LARGE1: variants seen among roughly 807,000 people sequenced by gnomAD.
LARGE1 encodes the protein LARGE xylosyl- and glucuronyltransferase 1.
Under a neutral mutation model 87.6 loss-of-function variants are expected in LARGE1, and 43 were observed. That is an observed-to-expected ratio of 0.49 (90% CI 0.38 to 0.63). The LOEUF is 0.63. LARGE1 is among the 30% of genes least tolerant of loss of function. The pLI, the probability that LARGE1 is intolerant of heterozygous loss-of-function variation, is 0.00. For synonymous variants in LARGE1, 434 were observed against 394.6 expected, an observed-to-expected ratio of 1.10 and a Z score of -1.18; for missense variants, 802 against 1,000.2, an observed-to-expected ratio of 0.80 and a Z score of 2.67.
intron 1 of LARGE1, among the ~76,000 whole-genome samples, chr22:33,823,559 C>A (rs916534322): frequency 2.6e-5 from 4 of 152,186 alleles, no homozygotes; most frequent in Non-Finnish European, 5.9e-5. Flanking sequence ...CAGAACACAG[C>A]CTCACGCACC....
At chr22:33,758,289 A>G (rs2084595682) in intron 2 of LARGE1, among the ~76,000 whole-genome samples, 1 of 152,164 alleles carries the variant, frequency 6.6e-6, no homozygotes, top group Non-Finnish European at 1.5e-5. Flanking sequence ...TTACATAACC[A>G]GATTTGAACG....
chr22:33,306,173 A>T (rs935000658), intron 11 of LARGE1, among the ~76,000 whole-genome samples: 1 of 152,166 alleles, frequency 6.6e-6, no homozygotes, highest in South Asian at 2.1e-4. Context: ...AAAGGCATGC[A>T]TTCTCCATGA....
At chr22:33,106,958 A>G in the LARGE1 span, among the ~76,000 whole-genome samples, 1 of 152,210 alleles carries the variant, frequency 6.6e-6, no homozygotes, top group Non-Finnish European at 1.5e-5. Flanking sequence ...ATGTCCATGT[A>G]GTTTTTCCCA....
intron 10 of LARGE1, chr22:33,320,800 C>T (rs1276502731): frequency 6.6e-6 from 1 of 152,218 alleles, no homozygotes; most frequent in African/African-American, 2.4e-5. Flanking sequence ...AAGCATGTGC[C>T]AAGCTCCACG....
chr22:33,297,591 C>T (rs751521067), intron 12 of LARGE1, among the ~76,000 whole-genome samples: 12 of 113,216 alleles, frequency 1.1e-4, no homozygotes, highest in Admixed American at 2.0e-4. Context: ...CCAGCCTGGG[C>T]GGCATAAGAC....
intron 6 of LARGE1, among the ~76,000 whole-genome samples, chr22:33,524,324 G>A (rs2071770456): frequency 6.6e-6 from 1 of 150,876 alleles, no homozygotes; most frequent in Non-Finnish European, 1.5e-5. Context: ...ATAAAATCAA[G>A]CCCATTTCCT....
At chr22:33,110,463 A>C in the LARGE1 span, 1 of 152,328 alleles carries the variant, frequency 6.6e-6, no homozygotes, top group South Asian at 2.1e-4. Flanking sequence ...TGATCCTCTG[A>C]CATTGCTGTG....
chr22:33,239,780 G>A (rs913461483), intron 11 of LARGE1, among the ~76,000 whole-genome samples: 9 of 151,608 alleles, frequency 5.9e-5, no homozygotes, highest in South Asian at 2.1e-4. Context: ...CTTGTGATCC[G>A]CCCACCTCGG....
intron 11 of LARGE1, among the ~76,000 whole-genome samples, chr22:33,308,946 G>T (rs1437078871): frequency 2.0e-5 from 3 of 152,204 alleles, no homozygotes; most frequent in Admixed American, 2.0e-4. Context: ...TATGACAGCT[G>T]TAATTTCCTC....
chr22:33,361,166 C>T lies in LARGE1; in HGVS notation c.1131+20753G>A, dbSNP rs1263362516. The stretch of plus-strand genomic sequence containing the variant: ...TGGGGGTTACAGTGAGCCGAGAATG[C>T]GCCATTGCACTCCAGCCTGGGTGAC... On this transcript the variant is annotated intron_variant, in intron 9 of 14. Transcript: ENST00000397394. 1.3e-5 allele frequency among the ~76,000 whole-genome samples: 2 copies of T among 148,634 alleles called. 1 individual carries two copies. Among genetic ancestry groups the T allele is most frequent in the Non-Finnish European group, 3.0e-5 (2 of 66,866 alleles).
intron 6 of LARGE1, among the ~76,000 whole-genome samples, chr22:33,456,778 T>C (rs1383009808): frequency 3.9e-5 from 6 of 152,190 alleles, no homozygotes; most frequent in Admixed American, 1.3e-4. Flanking sequence ...TCTGAGCTAA[T>C]AGAACTCAAC....
At chr22:33,531,542 C>G (rs185478186) in intron 6 of LARGE1, among the ~76,000 whole-genome samples, 2 of 152,328 alleles carry the variant, frequency 1.3e-5, no homozygotes, top group African/African-American at 4.8e-5. Flanking sequence ...TTTTGAGAAG[C>G]CTAATGCAGA....
At chr22:33,651,389 C>CAAAA (rs59002897) in intron 2 of LARGE1, among the ~76,000 whole-genome samples, 26 of 54,226 alleles carry the variant, frequency 4.8e-4, no homozygotes, top group African/African-American at 1.5e-3. Context: ...GACTCCGTCT[C>CAAAA]AAAAAAAAAA....
intron 2 of LARGE1, among the ~76,000 whole-genome samples, chr22:33,681,805 G>T (rs915022515): frequency 6.6e-6 from 1 of 152,202 alleles, no homozygotes; most frequent in African/African-American, 2.4e-5. Flanking sequence ...TTTTAAAAAT[G>T]TACAGAGGCA....
intron 11 of LARGE1, among the ~76,000 whole-genome samples, chr22:33,175,320 G>A (rs1922806276): frequency 6.6e-6 from 1 of 152,056 alleles, no homozygotes; most frequent in South Asian, 2.1e-4. Flanking sequence ...AAGGGAGAGA[G>A]AAAGAAATAA....
intron 11 of LARGE1, among the ~76,000 whole-genome samples, chr22:33,257,225 C>A (rs990406890): frequency 6.6e-6 from 1 of 151,576 alleles, no homozygotes; most frequent in Admixed American, 6.6e-5. Flanking sequence ...CAAACAACAA[C>A]AACAACAACC....
intron 6 of LARGE1, among the ~76,000 whole-genome samples, chr22:33,534,367 G>A (rs1385855418): frequency 2.6e-5 from 4 of 151,656 alleles, no homozygotes; most frequent in Non-Finnish European, 5.9e-5. Flanking sequence ...ACACGCCACT[G>A]CACTCCAACC....
chr22:33,567,485 T>A (rs192106194), intron 5 of LARGE1, among the ~76,000 whole-genome samples: 2 of 152,214 alleles, frequency 1.3e-5, no homozygotes, highest in East Asian at 3.9e-4. Context: ...ACACCCTGGG[T>A]GGTAGATTCA....
chr22:33,673,056 C>T (rs751200724), intron 2 of LARGE1, among the ~76,000 whole-genome samples: 36 of 152,052 alleles, frequency 2.4e-4, no homozygotes, highest in East Asian at 1.4e-3. Flanking sequence ...AGGCAGATCA[C>T]GAGGTCAGGA....
Sources: gnomAD v4.1 joint callset for allele counts (sites outside exome capture counted in the v4.1 genomes callset) on GRCh38, gnomAD v4.1.1 for gene constraint, MANE v1.5 for transcripts, NCBI Gene and HGNC (gene_info 2026-07-23, HGNC 2026-07-21) for gene names.